The following ABCA1 variants were observed in gnomAD, a reference collection of about 807,000 sequenced individuals.
The protein encoded by ABCA1 is phospholipid-transporting ATPase ABCA1.
ABCA1 carries 133 observed loss-of-function variants against 262.5 expected under a neutral mutation model. The ratio of observed to expected loss-of-function variants is 0.51; its 90% confidence interval spans 0.44 to 0.59. The LOEUF (loss-of-function observed/expected upper bound fraction) is 0.59, where lower values mean the gene tolerates loss of function less well. Among genes scored for constraint, ABCA1 ranks in the 20% least tolerant of loss-of-function variants. The pLI is 0.00. For missense variants in ABCA1, 2,452 were observed against 2,777.5 expected (o/e 0.88, Z 2.63); for synonymous variants, 1,022 against 1,043.5 (o/e 0.98, Z 0.40).
intron 14 of ABCA1, 68 bp downstream of exon 14, chr9:104,830,857 A>T (rs1037580180): frequency 6.4e-7 from 1 of 1,553,020 alleles, no homozygotes; most frequent in African/African-American, 1.4e-5. Flanking sequence ...GCACATGCAC[A>T]CACATATATA....
chr9:104,903,541 T>A, intron 2 of ABCA1, 73 bp downstream of exon 2: 1 of 1,414,836 alleles, frequency 7.1e-7, no homozygotes, highest in Non-Finnish European at 9.8e-7. Flanking sequence ...CCTCCCTCCC[T>A]CCTCCAATCC....
At chr9:104,872,319 A>C (rs78855082) in intron 5 of ABCA1, among the ~76,000 whole-genome samples, 325 of 152,344 alleles carry the variant, frequency 2.1e-3, no homozygotes, top group Middle Eastern at 0.017. Flanking sequence ...TCTTTCCACT[A>C]TATCAGCAAT....
At chr9:104,844,467 C>T (rs1014826164) in intron 8 of ABCA1, among the ~76,000 whole-genome samples, 2 of 152,054 alleles carry the variant, frequency 1.3e-5, no homozygotes, top group Admixed American at 6.6e-5. Context: ...AATACACTAA[C>T]GTATCAATAG....
intron 34 of ABCA1, 79 bp downstream of exon 34, chr9:104,801,975 C>T (rs1453365473): frequency 2.5e-5 from 33 of 1,307,428 alleles, no homozygotes; most frequent in Non-Finnish European, 3.4e-5. Context: ...CCAGGTGATC[C>T]GTTTAACCTG....
rs1832109427 is a variant in ABCA1, at chr9:104,819,610, C to G, written c.3217G>C (p.Glu1073Gln). The change falls in exon 22 of 50, where the codon GAG (glutamate) becomes CAG (glutamine). Residue 1073 changes from glutamate (E) to glutamine (Q), a missense_variant. Physicochemically the swap from Glu to Gln is conservative, Grantham distance 29. Coordinates refer to ENST00000374736, the MANE Select transcript of ABCA1 (RefSeq NM_005502.4). ...VDPYSRRGIW[E>Q]LLLKYRQGRT... Reference sequence around the variant, plus strand: ...CCTTGTCGGTATTTCAGCAGCAGCTCCCATATTCCCCTGCGGGAGTAAGGG... The same window carrying G: ...CCTTGTCGGTATTTCAGCAGCAGCTGCCATATTCCCCTGCGGGAGTAAGGG... 1 of 1,614,074 alleles carries G rather than the reference C, an allele frequency of 6.2e-7. No individual in the cohort carries two copies. The highest frequency in any genetic ancestry group is 1.3e-5 in the African/African-American group (1 of 74,930).
chr9:104,813,652 A>G (rs1250325408), intron 27 of ABCA1, among the ~76,000 whole-genome samples: 1 of 152,172 alleles, frequency 6.6e-6, no homozygotes, highest in Non-Finnish European at 1.5e-5. Context: ...ACCTCAGGTG[A>G]TCTACCCACC....
chr9:104,796,011 A>G, intron 39 of ABCA1, 42 bp downstream of exon 39: 1 of 1,611,810 alleles, frequency 6.2e-7, no homozygotes, highest in South Asian at 1.1e-5. Flanking sequence ...TGGCTCCCAG[A>G]GATGCTCATC....
At chr9:104,858,819 T>C in intron 6 of ABCA1, 121 bp from the exon 7 acceptor site, 1 of 998,858 alleles carries the variant, frequency 1.0e-6, no homozygotes, top group Admixed American at 1.8e-5. Flanking sequence ...TAAAACAGGT[T>C]CCATTGCAAC....
chr9:104,876,994 C>A (rs1239222497), intron 5 of ABCA1, among the ~76,000 whole-genome samples: 1 of 152,134 alleles, frequency 6.6e-6, no homozygotes. Context: ...CAAAAACATA[C>A]CACTGTGTAA....
chr9:104,863,879 A>C (rs183381751), intron 5 of ABCA1, among the ~76,000 whole-genome samples: 1 of 152,328 alleles, frequency 6.6e-6, no homozygotes. Flanking sequence ...CAAACCTCAG[A>C]GCACCTAAGC....
intron 5 of ABCA1, among the ~76,000 whole-genome samples, chr9:104,869,359 G>A (rs561995205): frequency 1.3e-5 from 2 of 152,290 alleles, no homozygotes; most frequent in South Asian, 4.1e-4. Flanking sequence ...GCTGTCAACT[G>A]AGCAGGGCCT....
At chr9:104,824,700 T>G in intron 17 of ABCA1, 122 bp from the exon 18 acceptor site, 1 of 1,200,792 alleles carries the variant, frequency 8.3e-7, no homozygotes, top group Non-Finnish European at 1.2e-6. Flanking sequence ...TGAATGGATG[T>G]GGGGAAAGAG....
At chr9:104,856,891 T>A (rs1339351949) in intron 7 of ABCA1, among the ~76,000 whole-genome samples, 1 of 152,192 alleles carries the variant, frequency 6.6e-6, no homozygotes, top group African/African-American at 2.4e-5. Context: ...CCCTCTATGA[T>A]TCACAGCACA....
chr9:104,799,356 G>T (rs984380687), intron 36 of ABCA1: 1 of 744,912 alleles, frequency 1.3e-6, no homozygotes, highest in Non-Finnish European at 1.6e-6. Context: ...GACTCCAAAG[G>T]CTGCATACTT....
At chr9:104,911,408 G>A (rs899676990) in intron 1 of ABCA1, among the ~76,000 whole-genome samples, 2 of 152,184 alleles carry the variant, frequency 1.3e-5, no homozygotes, top group Non-Finnish European at 2.9e-5. Context: ...TCAGGGACAA[G>A]CCTAACAAGG....
intron 15 of ABCA1, 25 bp downstream of exon 15, chr9:104,828,891 G>T (rs113574562): frequency 6.2e-7 from 1 of 1,611,814 alleles, no homozygotes; most frequent in South Asian, 1.1e-5. Flanking sequence ...TTCCTGGCAG[G>T]GAAGAGCGAG....
At chr9:104,864,052 A>G (rs1315152980) in intron 5 of ABCA1, among the ~76,000 whole-genome samples, 2 of 152,220 alleles carry the variant, frequency 1.3e-5, no homozygotes, top group Non-Finnish European at 2.9e-5. Context: ...TTTAAGGAAC[A>G]TTGTTTTACT....
At chr9:104,921,676 GTTATC>G (rs1842146778) in intron 1 of ABCA1, among the ~76,000 whole-genome samples, 1 of 152,130 alleles carries the variant, frequency 6.6e-6, no homozygotes, top group Non-Finnish European at 1.5e-5. Flanking sequence ...TGATTACCCT[GTTATC>G]TTAAGTAGTC....
intron 47 of ABCA1, 105 bp from the exon 48 acceptor site, chr9:104,786,495 G>T: frequency 2.0e-6 from 2 of 1,009,190 alleles, no homozygotes; most frequent in Non-Finnish European, 3.1e-6. Flanking sequence ...ATTGTATTCT[G>T]TTACAAGTAC....
Sources: allele counts gnomAD v4.1 joint callset (sites outside exome capture counted in the v4.1 genomes callset), GRCh38; gene constraint gnomAD v4.1.1; transcripts MANE v1.5; gene names NCBI Gene and HGNC (gene_info 2026-07-23, HGNC 2026-07-21).